ZNF285: variants seen among roughly 807,000 people sequenced by gnomAD.
ZNF285 encodes zinc finger protein 285.
In ZNF285, 4 loss-of-function variants were observed where a neutral mutation model predicts 6.2. That is an observed-to-expected ratio of 0.65 (90% confidence interval 0.32 to 1.49). The LOEUF (loss-of-function observed/expected upper bound fraction) is 1.49. ZNF285 is among the 40% of genes most tolerant of loss of function. The pLI is 0.07. For synonymous variants in ZNF285, 240 were observed against 245.8 expected, an observed-to-expected ratio of 0.98 and a Z score of 0.22; for missense variants, 695 against 708.8, an observed-to-expected ratio of 0.98 and a Z score of 0.22.
At chr19:44,389,405 G>C (rs1186252695) in intron 3 of ZNF285, among the ~76,000 whole-genome samples, 10 of 152,124 alleles carry the variant, frequency 6.6e-5, no homozygotes, top group Non-Finnish European at 8.8e-5. Context: ...ATCAGGGAAA[G>C]GGAGACCATG....
Position 44,386,820 on chromosome 19 carries a change from C to T in ZNF285, c.1425G>A (p.Gln475=). The T allele has an allele frequency of 6.2e-7, 1 of 1,614,246 alleles. No individual in the cohort carries two copies. Among genetic ancestry groups the T allele is most frequent in the South Asian group, 1.1e-5 (1 of 91,092 alleles). The change falls in exon 4 of 4, where the codon CAG becomes CAA. Residue 475 remains glutamine (Q), a synonymous_variant. Coordinates refer to ENST00000614994, the MANE Select transcript of ZNF285 (RefSeq NM_152354.6). Reference sequence around the variant, plus strand: ...ATGGTTTTTCTCCAGTGTGAACTCTCTGATGAGTGTGAAGAACAGAGCTAT... The same window carrying T: ...ATGGTTTTTCTCCAGTGTGAACTCTTTGATGAGTGTGAAGAACAGAGCTAT... ...FAYSSVLHTH[Q]RVHTGEKPYK... is the part of the protein sequence containing the mutation.
rs546277397 is a variant in ZNF285 at position 44,386,356 on chromosome 19, C to T, written c.*116G>A. 32 of 1,112,032 alleles carry T rather than the reference C, an allele frequency of 2.9e-5. No individual in the cohort carries two copies. In the East Asian group the frequency reaches 3.1e-4, roughly 11 times the overall value. 68.9% of individuals were successfully genotyped at this position (1,112,032 alleles called of 1,614,324 possible). On this transcript the variant is annotated 3_prime_UTR_variant, in exon 4 of 4. Coordinates refer to ENST00000614994, the MANE Select transcript of ZNF285 (RefSeq NM_152354.6). The stretch of plus-strand genomic sequence containing the variant: ...CTTCAGTGCTGCAGGCTGACATTAT[C>T]GATGGCAGTGTCCCTGTCTTTTGCT...
intron 2 of ZNF285, chr19:44,394,408 T>TA (rs1298533621): frequency 7.4e-6 from 3 of 406,356 alleles, no homozygotes; most frequent in Admixed American, 4.8e-5. Flanking sequence ...ACTTAAAGTA[T>TA]AATAAAAAAA....
chr19:44,390,941 G>A (rs1971183534), intron 3 of ZNF285, among the ~76,000 whole-genome samples: 1 of 151,896 alleles, frequency 6.6e-6, no homozygotes, highest in Admixed American at 6.6e-5. Flanking sequence ...GGATCACGAG[G>A]TCAAGAGATT....
rs150203417 is a variant in ZNF285 at position 44,391,210 on chromosome 19, T to A, written c.142+1130A>T. The stretch of plus-strand genomic sequence containing the variant: ...CTCTCTTCTCTTGTCTGCCACCATG[T>A]GAGACATGGCTTTCACCTTCCACCA... On this transcript the variant is annotated intron_variant, in intron 3 of 3. Coordinates refer to ENST00000614994, the MANE Select transcript of ZNF285 (RefSeq NM_152354.6). 4.3e-3 allele frequency among the ~76,000 whole-genome samples: 655 copies of A among 151,828 alleles called. 7 individuals are homozygous for A. Among genetic ancestry groups the A allele is most frequent in the African/African-American group, 0.015 (613 of 41,388 alleles).
intron 2 of ZNF285, among the ~76,000 whole-genome samples, chr19:44,395,174 A>G (rs1971259803): frequency 6.6e-6 from 1 of 151,774 alleles, no homozygotes; most frequent in South Asian, 2.1e-4. Context: ...CCAAATTTAT[A>G]AATGAATAAA....
In ZNF285 at chr19:44,382,932, G is replaced by C. The variant is rs980824678; in HGVS notation, c.*3540C>G. On this transcript the variant is annotated 3_prime_UTR_variant, in exon 4 of 4. Coordinates refer to ENST00000614994, the MANE Select transcript of ZNF285 (RefSeq NM_152354.6). The stretch of plus-strand genomic sequence containing the variant: ...AAAGCCCTTCCCACTGAAGAATGTG[G>C]GAGTCTGAGGCCCCAGATAGCTCCT... 2 of 152,136 alleles carry C rather than the reference G, an allele frequency of 1.3e-5. No individual in the cohort carries two copies. The highest frequency in any genetic ancestry group is 4.8e-5 in the African/African-American group (2 of 41,432). The allele number at this position is 152,136 out of a possible 1,614,324, so 9.4% of individuals were successfully genotyped here. A position where few individuals can be genotyped will look rare whatever the true frequency, so the allele number is the denominator to read the frequency against.
At chr19:44,397,742 G>C (rs1169648373) in intron 1 of ZNF285, among the ~76,000 whole-genome samples, 1 of 152,060 alleles carries the variant, frequency 6.6e-6, no homozygotes, top group African/African-American at 2.4e-5. Flanking sequence ...AAATTAGCTG[G>C]GTGTGGTGGC....
chr19:44,392,626 C>G, intron 2 of ZNF285, 160 bp from the exon 3 acceptor site: 1 of 1,370,542 alleles, frequency 7.3e-7, no homozygotes, highest in Non-Finnish European at 1.0e-6. Context: ...CAAGTACCAC[C>G]AAGATAGGTT....
At chr19:44,398,972 A>G (rs1971330033) in intron 1 of ZNF285, among the ~76,000 whole-genome samples, 1 of 152,152 alleles carries the variant, frequency 6.6e-6, no homozygotes, top group South Asian at 2.1e-4. Context: ...CAGTAACAAG[A>G]AATTACCAGA....
Position 44,388,004 on chromosome 19 carries a change from T to TC in ZNF285, c.240dup (p.Ile81AspfsTer29). 1 of 1,614,160 alleles carries TC rather than the reference T, an allele frequency of 6.2e-7. No homozygotes were observed. The highest frequency in any genetic ancestry group is 8.5e-7 in the Non-Finnish European group (1 of 1,180,022). On this transcript the variant is annotated frameshift_variant, in exon 4 of 4. Coordinates refer to ENST00000614994, the MANE Select transcript of ZNF285 (RefSeq NM_152354.6). LOFTEE classifies it low-confidence loss of function (END_TRUNC). Reference sequence around the variant, plus strand: ...TCCTGACTCACAGTTAAATCCCGGATCCTTTGTTTCCAAATCTGCCAGCAA... The same window carrying TC: ...TCCTGACTCACAGTTAAATCCCGGATCCCTTTGTTTCCAAATCTGCCAGCAA...
chr19:44,399,193 G>T (rs1971334149), intron 1 of ZNF285, among the ~76,000 whole-genome samples: 1 of 147,532 alleles, frequency 6.8e-6, no homozygotes. Context: ...TGTCTTTTTG[G>T]TAAATCCTTG....
At chr19:44,397,160 T>C in intron 2 of ZNF285, 39 bp downstream of exon 2, 2 of 1,613,490 alleles carry the variant, frequency 1.2e-6, no homozygotes, top group Non-Finnish European at 1.7e-6. Flanking sequence ...TTCCTCAGAA[T>C]GAACAGCATA....
At chr19:44,397,989 C>T (rs1261159967) in intron 1 of ZNF285, among the ~76,000 whole-genome samples, 1 of 151,832 alleles carries the variant, frequency 6.6e-6, no homozygotes, top group African/African-American at 2.4e-5. Context: ...CTTGTATGGC[C>T]AAGCCTGTGG....
intron 3 of ZNF285, among the ~76,000 whole-genome samples, chr19:44,391,519 C>A (rs1404382058): frequency 4.6e-5 from 7 of 151,974 alleles, no homozygotes; most frequent in Admixed American, 4.6e-4. Context: ...GAAGGAAGAG[C>A]AAAGGGACAT....
chr19:44,384,584 A>T lies in ZNF285; in HGVS notation c.*1888T>A, dbSNP rs1971042359. On this transcript the variant is annotated 3_prime_UTR_variant, in exon 4 of 4. Coordinates refer to ENST00000614994, the MANE Select transcript of ZNF285 (RefSeq NM_152354.6). ...AATGGCTGTTCTGTTTACAAACTAT[A>T]ACTAGCAGGAAACTGTAATGCAAGA... is the stretch of plus-strand genomic sequence containing the variant. The T allele has an allele frequency of 6.6e-6, 1 of 152,204 alleles. No homozygotes were observed. The highest frequency in any genetic ancestry group is 6.5e-5 in the Admixed American group (1 of 15,276). 9.4% of individuals were successfully genotyped at this position (152,204 alleles called of 1,614,324 possible). A position where few individuals can be genotyped will look rare whatever the true frequency, so the allele number is the denominator to read the frequency against.
chr19:44,395,320 C>A lies in ZNF285; in HGVS notation c.15+1879G>T, dbSNP rs144439194. Among the ~76,000 whole-genome samples, 449 of 152,200 alleles carry A rather than the reference C, an allele frequency of 3.0e-3. 5 individuals are homozygous for A. Among genetic ancestry groups the A allele is most frequent in the African/African-American group, 0.01 (420 of 41,482 alleles). ...GGATAGAGTAACACACTGAAAGACA[C>A]CAAAAGGAAGCAAACAAATGCATTC... On this transcript the variant is annotated intron_variant, in intron 2 of 3. Coordinates refer to ENST00000614994, the MANE Select transcript of ZNF285 (RefSeq NM_152354.6).
chr19:44,397,076 A>G lies in ZNF285; in HGVS notation c.15+123T>C, dbSNP rs548354131. 6.1e-4 allele frequency: 845 copies of G among 1,382,272 alleles called. 9 individuals carry two copies. The African/African-American group carries it at 0.011, about 19-fold the overall frequency. 85.6% of individuals were successfully genotyped at this position (1,382,272 alleles called of 1,614,324 possible). A position where few individuals can be genotyped will look rare whatever the true frequency, so the allele number is the denominator to read the frequency against. On this transcript the variant is annotated intron_variant, in intron 2 of 3. Transcript: ENST00000614994. ...CCACCTGCCTCACAAAGTCATTATGAGCAGATAAAGTACCTAATACATAGT... is the reference window on the plus strand; with the variant it reads ...CCACCTGCCTCACAAAGTCATTATGGGCAGATAAAGTACCTAATACATAGT...
chr19:44,392,159 C>T (rs1971206646), intron 3 of ZNF285, 181 bp downstream of exon 3: 5 of 1,446,112 alleles, frequency 3.5e-6, no homozygotes, highest in Non-Finnish European at 4.5e-6. Context: ...ACAAACCCAT[C>T]ACAAGGGGCC....
Sources: allele counts gnomAD v4.1 joint callset (sites outside exome capture counted in the v4.1 genomes callset), GRCh38; gene constraint gnomAD v4.1.1; transcripts MANE v1.5; gene names NCBI Gene and HGNC (gene_info 2026-07-23, HGNC 2026-07-21).